MCC: variants seen among roughly 807,000 people sequenced by gnomAD.
MCC encodes the protein MCC regulator of Wnt signaling pathway, also known as colorectal mutant cancer protein.
Under a neutral mutation model 116.2 loss-of-function variants are expected in MCC, and 90 were observed. The observed-to-expected ratio is 0.77, with a 90% CI of 0.65 to 0.92. The LOEUF (loss-of-function observed/expected upper bound fraction) is 0.92, where lower values mean the gene tolerates loss of function less well. Among genes scored for constraint, MCC ranks in the 40% least tolerant of loss-of-function variants. MCC has a pLI of 0.00. For synonymous variants in MCC, 578 were observed against 510.5 expected (o/e 1.13, Z -1.78); for missense variants, 1,516 against 1,312.2 (o/e 1.16, Z -2.40).
At chr5:113,081,871 A>T (rs769882211) in intron 11 of MCC, among the ~76,000 whole-genome samples, 26 of 152,218 alleles carry the variant, frequency 1.7e-4, no homozygotes, top group Non-Finnish European at 3.4e-4. Context: ...TGCCATACAC[A>T]AGAGGAATGG....
intron 1 of MCC, among the ~76,000 whole-genome samples, chr5:113,407,150 A>G (rs1315658140): frequency 6.6e-6 from 1 of 152,210 alleles, no homozygotes; most frequent in Non-Finnish European, 1.5e-5. Context: ...TATTGGACAC[A>G]TACTTTGTGC....
chr5:113,044,542 A>C, intron 16 of MCC: 1 of 925,932 alleles, frequency 1.1e-6, no homozygotes, highest in Non-Finnish European at 1.3e-6. Context: ...AAAGCTTGTG[A>C]TCTGTTGCAG....
rs10649958 is a variant in MCC at position 113,100,464 on chromosome 5, C to CTTTTTTTTTTTTTTT, written c.1398+1260_1398+1274dup. 5.1e-5 allele frequency among the ~76,000 whole-genome samples: 4 copies of CTTTTTTTTTTTTTTT among 78,810 alleles called. 1 individual carries two copies. Among genetic ancestry groups the CTTTTTTTTTTTTTTT allele is most frequent in the African/African-American group, 1.9e-4 (4 of 21,588 alleles). 51.7% of individuals were successfully genotyped at this position (78,810 alleles called of 152,430 possible). A position where few individuals can be genotyped will look rare whatever the true frequency, so the allele number is the denominator to read the frequency against. On this transcript the variant is annotated intron_variant, in intron 8 of 18. Coordinates refer to ENST00000408903, the MANE Select transcript of MCC (RefSeq NM_001085377.2). ...TGAGACCCACTAGATGTATTTTTCC[C>CTTTTTTTTTTTTTTT]TTTTTTTTTTTTTTTTTTTTTTTTG...
rs909085883 is a variant in MCC at position 113,476,430 on chromosome 5, A to T, written c.170+11815T>A. On this transcript the variant is annotated intron_variant, in intron 1 of 18. Coordinates refer to ENST00000408903, the MANE Select transcript of MCC (RefSeq NM_001085377.2). ...ATTGATTTTTGACAAGGGTGTCAAG[A>T]AAATGGGAAAACAGACGAGTGCTTT... 2.0e-5 allele frequency among the ~76,000 whole-genome samples: 3 copies of T among 152,324 alleles called. No individual in the cohort carries two copies. In the East Asian group the frequency reaches 5.8e-4, roughly 29 times the overall value.
Position 113,023,556 on chromosome 5 carries a change from C to CCATT in MCC, c.*3742_*3745dup, listed in dbSNP as rs1168307552. On this transcript the variant is annotated 3_prime_UTR_variant, in exon 19 of 19. Transcript: ENST00000408903. The stretch of plus-strand genomic sequence containing the variant: ...ATTAAGGTCAGTGCAGAAATCTCAA[C>CCATT]CATTACAGAAGTCTCTTACTATTTT... The CCATT allele has an allele frequency of 3.3e-5, 5 of 152,218 alleles. No homozygotes were observed. The highest frequency in any genetic ancestry group is 7.3e-5 in the Non-Finnish European group (5 of 68,032). The allele number at this position is 152,218 out of a possible 1,614,324, so 9.4% of individuals were successfully genotyped here.
chr5:113,228,261 G>A (rs1184652287), intron 3 of MCC, among the ~76,000 whole-genome samples: 1 of 152,170 alleles, frequency 6.6e-6, no homozygotes, highest in Non-Finnish European at 1.5e-5. Context: ...GGAACTTTAA[G>A]AGGTGTTTGG....
At chr5:113,029,264 A>G (rs1339447982) in intron 17 of MCC, among the ~76,000 whole-genome samples, 3 of 151,898 alleles carry the variant, frequency 2.0e-5, no homozygotes, top group Non-Finnish European at 4.4e-5. Context: ...TTCTTCAATG[A>G]CAAGGGCTTT....
intron 3 of MCC, among the ~76,000 whole-genome samples, chr5:113,220,802 G>A (rs956340407): frequency 1.3e-5 from 2 of 152,170 alleles, no homozygotes; most frequent in Non-Finnish European, 2.9e-5. Flanking sequence ...TTAAGATCTG[G>A]AAGCCTTTTA....
intron 1 of MCC, among the ~76,000 whole-genome samples, chr5:113,410,754 C>T (rs148254646): frequency 2.3e-4 from 35 of 152,328 alleles, no homozygotes; most frequent in Admixed American, 9.8e-4. Flanking sequence ...TATCCCTCCC[C>T]CAACGCTCCA....
intron 6 of MCC, among the ~76,000 whole-genome samples, chr5:113,119,887 C>T (rs990350805): frequency 6.6e-6 from 1 of 152,140 alleles, no homozygotes; most frequent in Non-Finnish European, 1.5e-5. Flanking sequence ...TGCCCCATGG[C>T]GCAGATAGGT....
intron 3 of MCC, among the ~76,000 whole-genome samples, chr5:113,220,247 G>A (rs1049582167): frequency 1.3e-5 from 2 of 150,832 alleles, no homozygotes; most frequent in African/African-American, 4.8e-5. Context: ...TTTTAGTAGA[G>A]ACAGGGTTTC....
At chr5:113,419,365 CT>C (rs144386805) in intron 1 of MCC, among the ~76,000 whole-genome samples, 6 of 147,510 alleles carry the variant, frequency 4.1e-5, no homozygotes, top group South Asian at 2.1e-4. Flanking sequence ...TTCTTTTTTT[CT>C]TTTTTTTTTC....
intron 3 of MCC, among the ~76,000 whole-genome samples, chr5:113,181,886 G>T (rs995533926): frequency 6.6e-6 from 1 of 152,172 alleles, no homozygotes; most frequent in African/African-American, 2.4e-5. Flanking sequence ...AGGCCCAGGG[G>T]GGTTTTAACA....
chr5:113,367,111 T>A (rs1299421606), intron 2 of MCC, among the ~76,000 whole-genome samples: 1 of 152,214 alleles, frequency 6.6e-6, no homozygotes, highest in African/African-American at 2.4e-5. Flanking sequence ...TTATTTCAGC[T>A]TTTAAAGTTA....
intron 17 of MCC, among the ~76,000 whole-genome samples, chr5:113,042,916 A>G (rs887708055): frequency 3.3e-5 from 5 of 152,292 alleles, no homozygotes; most frequent in African/African-American, 1.2e-4. Flanking sequence ...TAGAAAATTT[A>G]CAAGTACATA....
chr5:113,157,302 G>A (rs1421450913), intron 3 of MCC, among the ~76,000 whole-genome samples: 2 of 152,186 alleles, frequency 1.3e-5, no homozygotes, highest in Non-Finnish European at 2.9e-5. Flanking sequence ...TATGCTTCCC[G>A]ATTTGCTGAG....
chr5:113,151,249 A>C (rs1759847070), intron 4 of MCC, 60 bp downstream of exon 4: 2 of 995,668 alleles, frequency 2.0e-6, no homozygotes, highest in Non-Finnish European at 3.0e-6. Context: ...GTTTTATCTT[A>C]AGATTAAATA....
At chr5:113,235,358 C>T (rs1040290395) in intron 3 of MCC, among the ~76,000 whole-genome samples, 1 of 152,202 alleles carries the variant, frequency 6.6e-6, no homozygotes, top group Non-Finnish European at 1.5e-5. Context: ...CACATACATT[C>T]CATATTACTT....
intron 3 of MCC, among the ~76,000 whole-genome samples, chr5:113,188,356 G>A (rs1314120609): frequency 6.6e-6 from 1 of 152,124 alleles, no homozygotes; most frequent in African/African-American, 2.4e-5. Context: ...CTAGCCCCAC[G>A]AAACAGGTAA....
Sources: allele counts gnomAD v4.1 joint callset (sites outside exome capture counted in the v4.1 genomes callset), GRCh38; gene constraint gnomAD v4.1.1; transcripts MANE v1.5; gene names NCBI Gene and HGNC (gene_info 2026-07-23, HGNC 2026-07-21).